The following CSMD1 variants were observed in gnomAD, a reference collection of about 807,000 sequenced individuals.
CSMD1 encodes CUB and Sushi multiple domains 1.
Under a neutral mutation model 417.5 loss-of-function variants are expected in CSMD1, and 213 were observed. That is an observed-to-expected ratio of 0.51 (90% CI 0.46 to 0.57). CSMD1 has a LOEUF of 0.57. Among genes scored for constraint, CSMD1 ranks in the 20% least tolerant of loss-of-function variants. The pLI is 0.00. For synonymous variants in CSMD1, 2,862 were observed against 1,736.8 expected (o/e 1.65, Z -16.11); for missense variants, 6,923 against 4,529.7 (o/e 1.53, Z -15.17).
intron 36 of CSMD1, among the ~76,000 whole-genome samples, chr8:3,186,490 ATGCCCAAATAAAAATATGGTTTTATTTG>A (rs1399677370): frequency 6.6e-6 from 1 of 152,254 alleles, no homozygotes; most frequent in African/African-American, 2.4e-5. Flanking sequence ...TTAAATGGCC[ATGCCCAAATAAAAATATGGTTTTATTTG>A]CTGAGAACCA....
chr8:3,489,785 T>C (rs1818266615), intron 11 of CSMD1, among the ~76,000 whole-genome samples: 1 of 152,200 alleles, frequency 6.6e-6, no homozygotes, highest in African/African-American at 2.4e-5. Flanking sequence ...GGCTATTTCA[T>C]TTTCCAAATT....
intron 23 of CSMD1, among the ~76,000 whole-genome samples, chr8:3,327,701 T>G (rs1806627048): frequency 6.6e-6 from 1 of 152,202 alleles, no homozygotes; most frequent in Non-Finnish European, 1.5e-5. Context: ...ACAGATTACT[T>G]TTAGATAAGG....
At chr8:3,751,846 T>C (rs762241118) in intron 6 of CSMD1, among the ~76,000 whole-genome samples, 9 of 152,218 alleles carry the variant, frequency 5.9e-5, no homozygotes, top group Non-Finnish European at 1.2e-4. Context: ...AATTCACTGT[T>C]GTTCAGTTAC....
chr8:4,442,721 G>C (rs933441348), intron 2 of CSMD1, among the ~76,000 whole-genome samples: 2 of 152,092 alleles, frequency 1.3e-5, no homozygotes, highest in African/African-American at 4.8e-5. Flanking sequence ...TGTATTTGTT[G>C]ATAATACAAT....
chr8:3,593,037 C>G (rs1173128513), intron 8 of CSMD1, among the ~76,000 whole-genome samples: 2 of 152,174 alleles, frequency 1.3e-5, no homozygotes, highest in African/African-American at 2.4e-5. Flanking sequence ...GCAGGAGAGG[C>G]TGGAAGCCCT....
At chr8:4,645,927 A>C (rs1041564270) in intron 1 of CSMD1, among the ~76,000 whole-genome samples, 2 of 152,170 alleles carry the variant, frequency 1.3e-5, no homozygotes, top group African/African-American at 2.4e-5. Flanking sequence ...GCCATGTAAC[A>C]CGACTTTAGA....
chr8:4,834,977 A>AAAAAAAAGAAAG (rs1385745588), intron 1 of CSMD1, among the ~76,000 whole-genome samples: 2 of 32,236 alleles, frequency 6.2e-5, no homozygotes, highest in African/African-American at 1.1e-4. Flanking sequence ...AAAAAAAAAA[A>AAAAAAAAGAAAG]AAAGAAAGAA....
chr8:3,878,552 A>C (rs933220643), intron 5 of CSMD1, among the ~76,000 whole-genome samples: 4 of 152,200 alleles, frequency 2.6e-5, no homozygotes, highest in African/African-American at 9.6e-5. Context: ...TTATATAGAT[A>C]GGAAGTATAG....
chr8:3,716,319 A>T (rs1801829462), intron 6 of CSMD1, among the ~76,000 whole-genome samples: 1 of 152,224 alleles, frequency 6.6e-6, no homozygotes, highest in African/African-American at 2.4e-5. Flanking sequence ...AAGCAAGTTT[A>T]TTGAGAAAAT....
At chr8:4,524,173 G>A (rs995462464) in intron 2 of CSMD1, among the ~76,000 whole-genome samples, 1 of 151,836 alleles carries the variant, frequency 6.6e-6, no homozygotes, top group Non-Finnish European at 1.5e-5. Context: ...TATAAAGAAA[G>A]CAGTGGGGGA....
At chr8:3,735,640 G>A (rs996701528) in intron 6 of CSMD1, among the ~76,000 whole-genome samples, 4 of 152,132 alleles carry the variant, frequency 2.6e-5, no homozygotes, top group African/African-American at 9.7e-5. Context: ...ATCTCTTGGT[G>A]CCCTGGTTCA....
chr8:4,160,556 T>G (rs1421059419), intron 3 of CSMD1, among the ~76,000 whole-genome samples: 3 of 152,228 alleles, frequency 2.0e-5, no homozygotes. Context: ...GTGATTTAAA[T>G]ATCCACGTTT....
rs571984359 is a variant in CSMD1, at chr8:4,795,252, CTTT to C, written c.86-157697_86-157695del. 2.2e-4 allele frequency among the ~76,000 whole-genome samples: 10 copies of C among 46,252 alleles called. 1 individual carries two copies. The highest frequency in any genetic ancestry group is 6.5e-4 in the African/African-American group (9 of 13,864). The allele number at this position is 46,252 out of a possible 152,430, so 30.3% of individuals were successfully genotyped here. A position where few individuals can be genotyped will look rare whatever the true frequency, so the allele number is the denominator to read the frequency against. ...ATTTCTAGGTCTGCTGGTGTCATAG[CTTT>C]TTTTTTTTTTTTTTTTTTTTTTTTT... On this transcript the variant is annotated intron_variant, in intron 1 of 69. Transcript: ENST00000635120.
At chr8:4,625,989 G>T (rs1802083625) in intron 2 of CSMD1, among the ~76,000 whole-genome samples, 1 of 152,130 alleles carries the variant, frequency 6.6e-6, no homozygotes, top group Non-Finnish European at 1.5e-5. Context: ...CTCCCAAAGT[G>T]CTGGGATTAT....
chr8:3,302,617 C>T (rs1240554136), intron 25 of CSMD1, among the ~76,000 whole-genome samples: 1 of 152,208 alleles, frequency 6.6e-6, no homozygotes, highest in African/African-American at 2.4e-5. Context: ...CAACTACCCT[C>T]TTTGCTGTCT....
intron 1 of CSMD1, among the ~76,000 whole-genome samples, chr8:4,738,087 G>T (rs1386107494): frequency 1.3e-5 from 2 of 152,196 alleles, no homozygotes; most frequent in Non-Finnish European, 2.9e-5. Context: ...CCAACACCAG[G>T]TGAATGGGAC....
intron 37 of CSMD1, among the ~76,000 whole-genome samples, chr8:3,162,547 T>C (rs1000395977): frequency 1.3e-5 from 2 of 152,188 alleles, no homozygotes; most frequent in East Asian, 1.9e-4. Flanking sequence ...ACATTGAGTA[T>C]AGAAGATCCC....
chr8:4,225,963 G>A (rs891110968), intron 3 of CSMD1, among the ~76,000 whole-genome samples: 3 of 151,910 alleles, frequency 2.0e-5, no homozygotes, highest in African/African-American at 7.3e-5. Context: ...TTCATGTTGA[G>A]TTATTTGATA....
intron 1 of CSMD1, among the ~76,000 whole-genome samples, chr8:4,925,615 C>A (rs1333261297): frequency 6.6e-6 from 1 of 150,822 alleles, no homozygotes; most frequent in Non-Finnish European, 1.5e-5. Flanking sequence ...GGTGCAGTCT[C>A]GGCTCACTGC....
Sources: gnomAD v4.1 joint callset for allele counts (sites outside exome capture counted in the v4.1 genomes callset) on GRCh38, gnomAD v4.1.1 for gene constraint, MANE v1.5 for transcripts, NCBI Gene and HGNC (gene_info 2026-07-23, HGNC 2026-07-21) for gene names.